The following SLC12A1 variants were observed in gnomAD, a reference collection of about 807,000 sequenced individuals.
SLC12A1 encodes the protein solute carrier family 12 member 1.
Under a neutral mutation model 130.4 loss-of-function variants are expected in SLC12A1, and 89 were observed. The ratio of observed to expected loss-of-function variants is 0.68; its 90% confidence interval spans 0.58 to 0.81. SLC12A1 has a LOEUF of 0.81. Among genes scored for constraint, SLC12A1 ranks in the 40% least tolerant of loss-of-function variants. SLC12A1 has a pLI of 0.00. For synonymous variants in SLC12A1, 499 were observed against 460.0 expected, an observed-to-expected ratio of 1.08 and a Z score of -1.09; for missense variants, 1,310 against 1,336.4, an observed-to-expected ratio of 0.98 and a Z score of 0.31.
At position 48,285,204 on chromosome 15, in the gene SLC12A1, A is replaced by G; in HGVS notation, c.2584A>G (p.Lys862Glu). 1 of 1,613,800 alleles carries G rather than the reference A, an allele frequency of 6.2e-7. No individual in the cohort carries two copies. Among genetic ancestry groups the G allele is most frequent in the Non-Finnish European group, 8.5e-7 (1 of 1,179,762 alleles). ...AAGTGGAGGCATCCGAGGCTTGTTTAAAAAAGCTGGCAAGTTGAACATTAC... is the reference window on the plus strand; with the variant it reads ...AAGTGGAGGCATCCGAGGCTTGTTTGAAAAAGCTGGCAAGTTGAACATTAC... Reference protein sequence around the residue: ...EESGGIRGLFKKAGKLNITKT... With the variant: ...EESGGIRGLFEKAGKLNITKT... The change falls in exon 21 of 27, where the codon AAA becomes GAA. Residue 862 changes from lysine to glutamate, a missense_variant. Physicochemically the swap from Lys to Glu is moderately conservative, Grantham distance 56. Coordinates refer to ENST00000380993, the MANE Select transcript of SLC12A1 (RefSeq NM_000338.3).
chr15:48,254,617 A>C (rs1388603876), intron 15 of SLC12A1, among the ~76,000 whole-genome samples: 12 of 113,686 alleles, frequency 1.1e-4, no homozygotes, highest in East Asian at 3.7e-4. Flanking sequence ...AAAAAAAAAA[A>C]AAAAAAAAAA....
chr15:48,247,758 C>T (rs1406413454), intron 13 of SLC12A1, among the ~76,000 whole-genome samples: 1 of 152,208 alleles, frequency 6.6e-6, no homozygotes, highest in Non-Finnish European at 1.5e-5. Context: ...TCTCCCCCAG[C>T]TGCCATATCT....
intron 7 of SLC12A1, among the ~76,000 whole-genome samples, chr15:48,232,094 T>C (rs2041387728): frequency 6.6e-6 from 1 of 151,998 alleles, no homozygotes; most frequent in Admixed American, 6.5e-5. Flanking sequence ...ACTTAAAGGA[T>C]GAAAAGAAGG....
intron 20 of SLC12A1, among the ~76,000 whole-genome samples, chr15:48,282,341 T>C (rs1334096663): frequency 6.6e-6 from 1 of 152,190 alleles, no homozygotes; most frequent in Non-Finnish European, 1.5e-5. Context: ...TGCACATACC[T>C]TCAAGCAATT....
chr15:48,220,852 A>G, intron 3 of SLC12A1, 69 bp from the exon 4 acceptor site: 2 of 1,611,014 alleles, frequency 1.2e-6, no homozygotes, highest in Non-Finnish European at 1.7e-6. Context: ...GCACAGCTTT[A>G]TGAAGAGCCC....
intron 25 of SLC12A1, among the ~76,000 whole-genome samples, chr15:48,300,516 A>G (rs2042222307): frequency 6.6e-6 from 1 of 152,178 alleles, no homozygotes; most frequent in Non-Finnish European, 1.5e-5. Flanking sequence ...ACTGCCCACC[A>G]TGCCCTACAT....
At chr15:48,292,533 G>C (rs1201698235) in intron 24 of SLC12A1, among the ~76,000 whole-genome samples, 1 of 152,144 alleles carries the variant, frequency 6.6e-6, no homozygotes, top group Non-Finnish European at 1.5e-5. Flanking sequence ...GTCTTAGTTA[G>C]CTCAGGCTGC....
chr15:48,234,743 ACT>A, intron 8 of SLC12A1, 132 bp from the exon 9 acceptor site: 3 of 756,230 alleles, frequency 4.0e-6, no homozygotes, highest in Non-Finnish European at 6.3e-6. Flanking sequence ...ACAGAGTGAG[ACT>A]CTGTCTCAAA....
chr15:48,222,068 T>C (rs2041223184), intron 4 of SLC12A1, among the ~76,000 whole-genome samples: 1 of 152,242 alleles, frequency 6.6e-6, no homozygotes, highest in Non-Finnish European at 1.5e-5. Context: ...AGAGGGCTGC[T>C]TGCCGGTTTT....
At position 48,245,127 on chromosome 15, in the gene SLC12A1, C is replaced by T. The variant is rs375929044; in HGVS notation, c.1452+223C>T. On this transcript the variant is annotated intron_variant, in intron 11 of 26. Transcript: ENST00000380993. ...AGACAATAGGCAGTGGTATGAATTG[C>T]ATCATCAGGGAGAGATCATCTCCTG... 3.1e-4 allele frequency among the ~76,000 whole-genome samples: 47 copies of T among 152,290 alleles called. No homozygotes were observed. In the East Asian group the frequency reaches 8.3e-3, roughly 27 times the overall value.
intron 7 of SLC12A1, 34 bp downstream of exon 7, chr15:48,230,537 G>C (rs2041362193): frequency 4.4e-6 from 6 of 1,362,082 alleles, no homozygotes; most frequent in Non-Finnish European, 5.2e-6. Context: ...ATCAACAGTG[G>C]CTGGTCAGGT....
At chr15:48,252,462 T>G (rs577317816) in intron 15 of SLC12A1, among the ~76,000 whole-genome samples, 2 of 152,222 alleles carry the variant, frequency 1.3e-5, no homozygotes, top group Non-Finnish European at 2.9e-5. Context: ...TCCTGATAAA[T>G]TAGATATAGT....
At chr15:48,255,786 T>C in intron 15 of SLC12A1, 25 bp from the exon 16 acceptor site, 1 of 1,445,832 alleles carries the variant, frequency 6.9e-7, no homozygotes, top group Non-Finnish European at 9.6e-7. Context: ...GTGTTTTTTA[T>C]GCCAATTTCC....
Position 48,286,945 on chromosome 15 carries a change from C to T in SLC12A1, c.2630-1098C>T, listed in dbSNP as rs145924397. Among the ~76,000 whole-genome samples, 180 of 152,248 alleles carry T rather than the reference C, an allele frequency of 1.2e-3. 1 individual carries two copies. The highest frequency in any genetic ancestry group is 4.2e-3 in the African/African-American group (173 of 41,534). ...TTGTAAATAAATTTTTCTCCCTCAGCGGTCCCAGGGATGTAAAAACAATAT... is the reference window on the plus strand; with the variant it reads ...TTGTAAATAAATTTTTCTCCCTCAGTGGTCCCAGGGATGTAAAAACAATAT... On this transcript the variant is annotated intron_variant, in intron 21 of 26. Coordinates refer to ENST00000380993, the MANE Select transcript of SLC12A1 (RefSeq NM_000338.3).
chr15:48,260,658 C>G (rs2041764389), intron 17 of SLC12A1, among the ~76,000 whole-genome samples: 1 of 152,122 alleles, frequency 6.6e-6, no homozygotes, highest in African/African-American at 2.4e-5. Context: ...AGTGTCACGC[C>G]TTGAGGAGAA....
intron 24 of SLC12A1, among the ~76,000 whole-genome samples, chr15:48,294,191 A>T (rs1175447129): frequency 3.9e-5 from 6 of 152,030 alleles, no homozygotes; most frequent in Non-Finnish European, 7.4e-5. Flanking sequence ...TCTACTAAAA[A>T]TTCAAAAATA....
intron 5 of SLC12A1, chr15:48,227,136 C>G: frequency 6.4e-7 from 1 of 1,552,078 alleles, no homozygotes; most frequent in Non-Finnish European, 8.7e-7. Context: ...ACAGGTATTT[C>G]TATGTCTGCT....
chr15:48,278,520 G>T (rs1375512432), intron 20 of SLC12A1, among the ~76,000 whole-genome samples: 1 of 152,172 alleles, frequency 6.6e-6, no homozygotes, highest in Non-Finnish European at 1.5e-5. Context: ...GGTGAAATCT[G>T]AGCTCTGGGA....
rs569026386 is a variant in SLC12A1 at position 48,259,225 on chromosome 15, G to A, written c.2068G>A (p.Gly690Arg). ...GCCCCAGTGCATTGTCTTAACAGGG[G>A]GACCCATGACAAGACCTGCTCTCCT... ...FRPQCIVLTGGPMTRPALLDI... is the reference protein window; with the variant it reads ...FRPQCIVLTGRPMTRPALLDI... Residue 690 changes from glycine (G) to arginine (R), a missense_variant, in exon 17 of 27, where the codon GGA (glycine) becomes AGA (arginine). By Grantham distance (125) the Gly-to-Arg change is moderately radical (BLOSUM62 -2). Coordinates refer to ENST00000380993, the MANE Select transcript of SLC12A1 (RefSeq NM_000338.3). The A allele has an allele frequency of 3.1e-6, 5 of 1,613,282 alleles. No homozygotes were observed. The African/African-American group carries it at 5.3e-5, about 17-fold the overall frequency.
Sources: allele counts gnomAD v4.1 joint callset (sites outside exome capture counted in the v4.1 genomes callset), GRCh38; gene constraint gnomAD v4.1.1; transcripts MANE v1.5; gene names NCBI Gene and HGNC (gene_info 2026-07-23, HGNC 2026-07-21).